The following EPHA3 variants were observed in gnomAD, a reference collection of about 807,000 sequenced individuals.
The protein encoded by EPHA3 is EPH receptor A3.
EPHA3 carries 42 observed loss-of-function variants against 107.1 expected under a neutral mutation model. The observed-to-expected ratio is 0.39, with a 90% CI of 0.31 to 0.51. The LOEUF (loss-of-function observed/expected upper bound fraction) is 0.51. Ranked by LOEUF, EPHA3 falls within the 20% of genes least tolerant of loss-of-function variation. EPHA3 has a pLI of 0.78. For missense variants in EPHA3, 1,183 were observed against 1,211.2 expected (o/e 0.98, Z 0.35); for synonymous variants, 461 against 424.8 (o/e 1.09, Z -1.05).
At chr3:89,237,388 A>T (rs1704791684) in intron 3 of EPHA3, among the ~76,000 whole-genome samples, 1 of 152,182 alleles carries the variant, frequency 6.6e-6, no homozygotes, top group African/African-American at 2.4e-5. Flanking sequence ...AACAAAACAT[A>T]AATATATAAA....
intron 5 of EPHA3, among the ~76,000 whole-genome samples, chr3:89,381,395 T>C (rs1708504381): frequency 6.6e-6 from 1 of 151,898 alleles, no homozygotes; most frequent in Non-Finnish European, 1.5e-5. Flanking sequence ...ATCAGCGTGG[T>C]ATGATGGCTC....
At chr3:89,245,064 G>A (rs2107252418) in intron 3 of EPHA3, among the ~76,000 whole-genome samples, 1 of 152,252 alleles carries the variant, frequency 6.6e-6, no homozygotes, top group Non-Finnish European at 1.5e-5. Context: ...TACCAAACCA[G>A]CGGTTTGTTT....
chr3:89,369,117 G>C (rs1160880679), intron 5 of EPHA3, among the ~76,000 whole-genome samples: 1 of 150,462 alleles, frequency 6.6e-6, no homozygotes, highest in African/African-American at 2.4e-5. Flanking sequence ...AATGACAAGA[G>C]AGACTGGGTT....
chr3:89,191,444 C>T (rs1013975097), intron 2 of EPHA3, among the ~76,000 whole-genome samples: 1 of 151,840 alleles, frequency 6.6e-6, no homozygotes, highest in Non-Finnish European at 1.5e-5. Context: ...GTAGCTGGGA[C>T]TACAGGCGCC....
At chr3:89,155,907 C>T (rs956491821) in intron 2 of EPHA3, among the ~76,000 whole-genome samples, 9 of 152,002 alleles carry the variant, frequency 5.9e-5, no homozygotes, top group African/African-American at 2.2e-4. Context: ...GGAGTAATTA[C>T]AGCTGTCAGT....
At chr3:89,258,035 A>G (rs1705326419) in intron 3 of EPHA3, among the ~76,000 whole-genome samples, 1 of 152,234 alleles carries the variant, frequency 6.6e-6, no homozygotes. Flanking sequence ...CAACAAATTT[A>G]GCAGGACTCA....
chr3:89,200,326 G>T (rs1218073325), intron 2 of EPHA3, among the ~76,000 whole-genome samples: 1 of 152,046 alleles, frequency 6.6e-6, no homozygotes, highest in African/African-American at 2.4e-5. Context: ...ATATGTTTTG[G>T]TATATCCAAA....
intron 1 of EPHA3, among the ~76,000 whole-genome samples, chr3:89,124,878 A>G (rs976193999): frequency 1.3e-5 from 2 of 151,964 alleles, no homozygotes; most frequent in African/African-American, 4.8e-5. Context: ...TTAATCTTCT[A>G]CACTTACTTT....
At chr3:89,130,690 T>A (rs369599520) in intron 2 of EPHA3, among the ~76,000 whole-genome samples, 5 of 151,510 alleles carry the variant, frequency 3.3e-5, no homozygotes, top group Admixed American at 1.3e-4. Context: ...GCTGGAGCGC[T>A]GTGGCGCGAT....
chr3:89,348,095 G>T (rs1425924542), intron 5 of EPHA3, among the ~76,000 whole-genome samples: 2,331 of 148,218 alleles, frequency 0.016, 66 homozygotes, highest in African/African-American at 0.052. Context: ...TTGTATCTCT[G>T]CCCGGCTTTG....
intron 2 of EPHA3, among the ~76,000 whole-genome samples, chr3:89,182,372 C>A (rs547461206): frequency 6.6e-6 from 1 of 151,712 alleles, no homozygotes; most frequent in Non-Finnish European, 1.5e-5. Context: ...GGAGAGTAGC[C>A]TAGTCACTGA....
At chr3:89,452,415 CA>C (rs1710011476) in intron 15 of EPHA3, among the ~76,000 whole-genome samples, 1 of 152,100 alleles carries the variant, frequency 6.6e-6, no homozygotes, top group African/African-American at 2.4e-5. Context: ...GGTTCTAGCT[CA>C]TTGTGGTTTT....
chr3:89,315,355 C>T (rs545540496), intron 3 of EPHA3, among the ~76,000 whole-genome samples: 1 of 151,740 alleles, frequency 6.6e-6, no homozygotes, highest in African/African-American at 2.4e-5. Flanking sequence ...TCTGAATCAA[C>T]TATAGTATGT....
intron 2 of EPHA3, among the ~76,000 whole-genome samples, chr3:89,190,629 A>C (rs1292720176): frequency 6.6e-6 from 1 of 152,190 alleles, no homozygotes; most frequent in African/African-American, 2.4e-5. Context: ...GTGTAATTGC[A>C]TAAAGTTGTA....
chr3:89,471,748 T>C (rs1710408081), intron 15 of EPHA3, among the ~76,000 whole-genome samples: 1 of 152,038 alleles, frequency 6.6e-6, no homozygotes, highest in South Asian at 2.1e-4. Flanking sequence ...TGTGTATGTG[T>C]GTGTGTATAT....
chr3:89,451,303 A>G (rs1709985117), intron 15 of EPHA3, among the ~76,000 whole-genome samples: 1 of 152,174 alleles, frequency 6.6e-6, no homozygotes. Flanking sequence ...GTACAGTGGA[A>G]AAAAGAAGGA....
chr3:89,332,117 ATT>A (rs1707302586), intron 3 of EPHA3, among the ~76,000 whole-genome samples: 1 of 152,072 alleles, frequency 6.6e-6, no homozygotes, highest in African/African-American at 2.4e-5. Context: ...TTACATGCAT[ATT>A]CTGTTAATTG....
At chr3:89,345,623 T>C (rs1408268326) in intron 5 of EPHA3, among the ~76,000 whole-genome samples, 1 of 150,104 alleles carries the variant, frequency 6.7e-6, no homozygotes, top group Non-Finnish European at 1.5e-5. Flanking sequence ...TTTTTTCTTT[T>C]TTTTTTTTAT....
At chr3:89,201,667 TTAAA>T in intron 2 of EPHA3, among the ~76,000 whole-genome samples, 1 of 152,350 alleles carries the variant, frequency 6.6e-6, no homozygotes, top group Non-Finnish European at 1.5e-5. Context: ...TGAATTTTTC[TTAAA>T]TGAATCTGTA....
Sources: gnomAD v4.1 joint callset for allele counts (sites outside exome capture counted in the v4.1 genomes callset) on GRCh38, gnomAD v4.1.1 for gene constraint, MANE v1.5 for transcripts, NCBI Gene and HGNC (gene_info 2026-07-23, HGNC 2026-07-21) for gene names.